GLB1: variants seen among roughly 807,000 people sequenced by gnomAD.
GLB1 encodes beta-galactosidase.
Under a neutral mutation model 74.0 loss-of-function variants are expected in GLB1, and 56 were observed. That is an observed-to-expected ratio of 0.76 (90% CI 0.61 to 0.94). GLB1 has a LOEUF of 0.94. Among genes scored for constraint, GLB1 ranks in the 40% least tolerant of loss-of-function variants. The pLI, the probability that GLB1 is intolerant of heterozygous loss-of-function variation, is 0.00. For missense variants in GLB1, 787 were observed against 845.5 expected (o/e 0.93, Z 0.86); for synonymous variants, 323 against 323.6 (o/e 1.00, Z 0.02).
At position 33,053,481 on chromosome 3, in the gene GLB1, C is replaced by A. The variant is rs79518579; in HGVS notation, c.792+10G>T. 0.037 allele frequency: 59,922 copies of A among 1,614,012 alleles called. 1,582 individuals are homozygous for A. Among genetic ancestry groups the A allele is most frequent in the African/African-American group, 0.12 (8,724 of 74,988 alleles). On this transcript the variant is annotated intron_variant, in intron 7 of 15. Transcript: ENST00000307363. ...CAGCTGCAAACACACACCTCACCCT[C>A]GATTCTTACCAAGGGTCCTTTGGGC...
downstream of GLB1, among the ~76,000 whole-genome samples, chr3:32,996,244 C>A (rs963856659): frequency 1.3e-5 from 2 of 152,210 alleles, no homozygotes; most frequent in Non-Finnish European, 1.5e-5. Context: ...AACACCACAT[C>A]CTTTCCTATC....
At chr3:33,094,736 A>C (rs1171180912) in intron 1 of GLB1, among the ~76,000 whole-genome samples, 2 of 152,196 alleles carry the variant, frequency 1.3e-5, no homozygotes, top group African/African-American at 4.8e-5. Context: ...AACAGATTTA[A>C]TGCAGAAATA....
At chr3:33,094,329 T>G in intron 1 of GLB1, 5 of 1,461,422 alleles carry the variant, frequency 3.4e-6, no homozygotes, top group Non-Finnish European at 4.5e-6. Context: ...AGCATCAGCT[T>G]TGTGGGATAT....
rs777282849 is a variant in GLB1, at chr3:33,097,074, G to A, written c.12C>T (p.Phe4=). 5 of 1,612,488 alleles carry A rather than the reference G, an allele frequency of 3.1e-6. No individual in the cohort carries two copies. In the African/African-American group the frequency reaches 4.0e-5, roughly 13 times the overall value. ...GCAACAGAGGGAGGATGCGAACCAGGAACCCCGGCATGACCACCAGCCTCC... is the reference window on the plus strand; with the variant it reads ...GCAACAGAGGGAGGATGCGAACCAGAAACCCCGGCATGACCACCAGCCTCC... MPG[F]LVRILPLLLV... Residue 4 remains phenylalanine (F), a synonymous_variant, in exon 1 of 16, where the codon TTC becomes TTT. Transcript: ENST00000307363.
intron 1 of GLB1, among the ~76,000 whole-genome samples, chr3:33,073,597 A>C (rs1699969973): frequency 6.6e-6 from 1 of 152,174 alleles, no homozygotes; most frequent in African/African-American, 2.4e-5. Context: ...CTGAGACACG[A>C]GAATCGCTTG....
intron 1 of GLB1, chr3:33,092,745 G>T: frequency 6.6e-7 from 1 of 1,512,506 alleles, no homozygotes; most frequent in Non-Finnish European, 8.8e-7. Context: ...AGTGGGCAAG[G>T]CTGGAGGGGA....
chr3:33,010,466 G>T (rs531683281), intron 15 of GLB1, among the ~76,000 whole-genome samples: 1 of 152,218 alleles, frequency 6.6e-6, no homozygotes. Context: ...CAAGTTCTTT[G>T]CTCCTTTTGT....
chr3:33,029,969 AAAG>A (rs1373532406), intron 10 of GLB1: 1 of 151,956 alleles, frequency 6.6e-6, no homozygotes, highest in Non-Finnish European at 1.5e-5. Context: ...AAAAAAAAAA[AAAG>A]AAAAGTAATG....
rs974713186 is a variant in GLB1 at position 33,026,149 on chromosome 3, C to T, written c.1069-1824G>A. Reference sequence around the variant, plus strand: ...ACCAAGCTGCAGCTGCAGACGGAAACATCTCTGCACTCTTGGGGATCCAGG... The same window carrying T: ...ACCAAGCTGCAGCTGCAGACGGAAATATCTCTGCACTCTTGGGGATCCAGG... On this transcript the variant is annotated intron_variant, in intron 10 of 15. Coordinates refer to ENST00000307363, the MANE Select transcript of GLB1 (RefSeq NM_000404.4). Among the ~76,000 whole-genome samples, 3 of 125,822 alleles carry T rather than the reference C, an allele frequency of 2.4e-5. No individual in the cohort carries two copies. In the Admixed American group the frequency reaches 2.5e-4, roughly 11 times the overall value. The allele number at this position is 125,822 out of a possible 152,430, so 82.5% of individuals were successfully genotyped here. A position where few individuals can be genotyped will look rare whatever the true frequency, so the allele number is the denominator to read the frequency against.
chr3:32,993,810 G>C (rs1031526036), downstream of GLB1, among the ~76,000 whole-genome samples: 6 of 151,960 alleles, frequency 3.9e-5, no homozygotes, highest in Non-Finnish European at 8.8e-5. Context: ...TTGGATTGCA[G>C]GTGTGAGTCA....
At chr3:33,059,546 T>C (rs1345330846) in intron 5 of GLB1, among the ~76,000 whole-genome samples, 1 of 151,924 alleles carries the variant, frequency 6.6e-6, no homozygotes, top group Non-Finnish European at 1.5e-5. Context: ...TTAGAGAAAA[T>C]TCAAAACAAT....
chr3:32,996,300 CAT>C (rs1246018443), downstream of GLB1, among the ~76,000 whole-genome samples: 2 of 152,192 alleles, frequency 1.3e-5, no homozygotes, highest in African/African-American at 4.8e-5. Flanking sequence ...TGACTACTGA[CAT>C]GTGTATAGGC....
chr3:33,066,528 G>A (rs1255250624), intron 4 of GLB1, among the ~76,000 whole-genome samples: 1 of 152,082 alleles, frequency 6.6e-6, no homozygotes, highest in African/African-American at 2.4e-5. Context: ...CATAACTGTA[G>A]GAAATAAATG....
the GLB1 span, among the ~76,000 whole-genome samples, chr3:32,979,655 C>G: frequency 5.3e-5 from 8 of 151,548 alleles, no homozygotes; most frequent in Non-Finnish European, 1.2e-4. Flanking sequence ...GACTTTGAGA[C>G]CAGCCTGAGC....
intron 10 of GLB1, among the ~76,000 whole-genome samples, chr3:33,035,787 C>A (rs969935874): frequency 3.9e-5 from 6 of 152,170 alleles, no homozygotes; most frequent in African/African-American, 7.2e-5. Context: ...GTAATGATTT[C>A]TTGATTCATT....
At chr3:33,074,572 T>C (rs1207573276) in intron 1 of GLB1, among the ~76,000 whole-genome samples, 1 of 150,764 alleles carries the variant, frequency 6.6e-6, no homozygotes, top group Non-Finnish European at 1.5e-5. Context: ...GCTAAAATGT[T>C]AGGATTTTGA....
intron 12 of GLB1, among the ~76,000 whole-genome samples, chr3:33,018,907 A>G (rs1392665591): frequency 7.9e-5 from 12 of 152,188 alleles, no homozygotes; most frequent in East Asian, 1.9e-4. Context: ...TCCAAAAACA[A>G]AACTAAGTAA....
chr3:33,096,666 CG>C, intron 1 of GLB1: 8 of 1,130,106 alleles, frequency 7.1e-6, no homozygotes, highest in Non-Finnish European at 8.7e-6. Context: ...CTCTAACCCG[CG>C]CAACTTGGAA....
intron 15 of GLB1, among the ~76,000 whole-genome samples, chr3:33,012,867 C>G (rs9833676): frequency 0.016 from 2,450 of 152,276 alleles, 68 homozygotes; most frequent in East Asian, 0.076. Flanking sequence ...TTGATGTCAT[C>G]TCCATCTTAG....
Sources: allele counts gnomAD v4.1 joint callset (sites outside exome capture counted in the v4.1 genomes callset), GRCh38; gene constraint gnomAD v4.1.1; transcripts MANE v1.5; gene names NCBI Gene and HGNC (gene_info 2026-07-23, HGNC 2026-07-21).